ROS1: variants seen among roughly 807,000 people sequenced by gnomAD.
ROS1 encodes proto-oncogene tyrosine-protein kinase ROS.
ROS1 carries 263 observed loss-of-function variants against 273.5 expected under a neutral mutation model. The observed-to-expected ratio is 0.96, with a 90% confidence interval of 0.87 to 1.06. ROS1 has a LOEUF of 1.06. ROS1 is among the 50% of genes least tolerant of loss of function. The pLI, the probability that ROS1 is intolerant of heterozygous loss-of-function variation, is 0.00. For missense variants in ROS1, 2,833 were observed against 2,751.1 expected (o/e 1.03, Z -0.67); for synonymous variants, 1,008 against 954.1 (o/e 1.06, Z -1.04).
chr6:117,330,947 T>C (rs145892121), intron 32 of ROS1, among the ~76,000 whole-genome samples: 235 of 152,270 alleles, frequency 1.5e-3, no homozygotes, highest in Non-Finnish European at 2.9e-3. Context: ...CTCTAAATGA[T>C]CACAATGTCT....
Position 117,411,923 on chromosome 6 carries a change from G to A in ROS1, c.256-2281C>T, listed in dbSNP as rs545487024. Among the ~76,000 whole-genome samples the A allele has an allele frequency of 2.8e-4, 43 of 152,278 alleles. 1 individual carries two copies. The South Asian group carries it at 8.7e-3, about 31-fold the overall frequency. Reference sequence around the variant, plus strand: ...TTCTGATAATGAAAATTGCTAGGACGAAAATAAGTCAAAGGCACAGGTATA... The same window carrying A: ...TTCTGATAATGAAAATTGCTAGGACAAAAATAAGTCAAAGGCACAGGTATA... On this transcript the variant is annotated intron_variant, in intron 4 of 43. Transcript: ENST00000368507.
chr6:117,409,302 AAG>A (rs1485383779), intron 5 of ROS1, among the ~76,000 whole-genome samples: 1 of 152,188 alleles, frequency 6.6e-6, no homozygotes, highest in Non-Finnish European at 1.5e-5. Context: ...GTCTGTCATT[AAG>A]AGAGAAGTGA....
At chr6:117,291,763 C>A (rs1030246831) in intron 43 of ROS1, among the ~76,000 whole-genome samples, 3 of 152,112 alleles carry the variant, frequency 2.0e-5, no homozygotes, top group African/African-American at 7.2e-5. Context: ...TAATTAAAAG[C>A]CTTTCACAGA....
rs190693999 is a variant in ROS1 at position 117,307,340 on chromosome 6, A to C, written c.6551+1454T>G. On this transcript the variant is annotated intron_variant, in intron 42 of 43. Coordinates refer to ENST00000368507, the MANE Select transcript of ROS1 (RefSeq NM_001378902.1). ...CCTTGGGGAGAGAGTGGCATAAGCC[A>C]GATAACATTCTAACAGCACAAGGAA... is the stretch of plus-strand genomic sequence containing the variant. 3.8e-3 allele frequency among the ~76,000 whole-genome samples: 579 copies of C among 152,310 alleles called. 3 individuals are homozygous for C. Among genetic ancestry groups the C allele is most frequent in the Middle Eastern group, 6.8e-3 (2 of 294 alleles).
At chr6:117,399,768 C>T (rs1443747900) in intron 7 of ROS1, among the ~76,000 whole-genome samples, 1 of 152,156 alleles carries the variant, frequency 6.6e-6, no homozygotes, top group Non-Finnish European at 1.5e-5. Flanking sequence ...TCAGAGAATA[C>T]CCCAATATAT....
intron 26 of ROS1, among the ~76,000 whole-genome samples, chr6:117,355,383 C>T (rs897616778): frequency 2.0e-5 from 3 of 152,132 alleles, no homozygotes; most frequent in Non-Finnish European, 4.4e-5. Flanking sequence ...TCTAAAAGGC[C>T]TTGGTTGACA....
In ROS1 at chr6:117,319,904, T is replaced by C. The variant is rs1251584312; in HGVS notation, c.5886A>G (p.Leu1962=). 2 of 1,613,364 alleles carry C rather than the reference T, an allele frequency of 1.2e-6. No individual in the cohort carries two copies. The highest frequency in any genetic ancestry group is 8.5e-7 in the Non-Finnish European group (1 of 1,179,458). Residue 1962 remains leucine, a synonymous_variant, in exon 37 of 44, where the codon TTA becomes TTG. Coordinates refer to ENST00000368507, the MANE Select transcript of ROS1 (RefSeq NM_001378902.1). ...CTTTGATTTCTCCACTTCCAACTCC[T>C]AAGATGTCCACTGCTGTTCCTTCAT... ...EVYEGTAVDI[L]GVGSGEIKVA...
chr6:117,326,535 C>T (rs1776658347), intron 33 of ROS1, 121 bp from the exon 34 acceptor site: 3 of 584,240 alleles, frequency 5.1e-6, no homozygotes, highest in Non-Finnish European at 5.7e-6. Flanking sequence ...TTACCCTTGA[C>T]CTCATTCCTC....
intron 27 of ROS1, among the ~76,000 whole-genome samples, chr6:117,347,510 C>T (rs555001334): frequency 1.4e-4 from 22 of 152,132 alleles, no homozygotes; most frequent in African/African-American, 4.8e-4. Context: ...CATCTGTGAA[C>T]AAAGACAGCG....
chr6:117,371,030 C>G (rs1456670215), intron 18 of ROS1, among the ~76,000 whole-genome samples: 1 of 152,156 alleles, frequency 6.6e-6, no homozygotes, highest in East Asian at 1.9e-4. Flanking sequence ...AAGAAAGGCA[C>G]TTTAAATGTA....
chr6:117,316,475 A>G (rs1179497651), intron 39 of ROS1, among the ~76,000 whole-genome samples: 13 of 152,110 alleles, frequency 8.5e-5, no homozygotes, highest in Non-Finnish European at 5.9e-5. Flanking sequence ...CATCTAAGGT[A>G]TAAGGTAGAT....
intron 39 of ROS1, among the ~76,000 whole-genome samples, chr6:117,315,311 A>G (rs1347350662): frequency 6.6e-6 from 1 of 152,102 alleles, no homozygotes; most frequent in Non-Finnish European, 1.5e-5. Flanking sequence ...TCTAGAACAA[A>G]GAAATAGAGG....
intron 25 of ROS1, 25 bp downstream of exon 25, chr6:117,357,779 T>C: frequency 1.4e-6 from 2 of 1,446,280 alleles, no homozygotes; most frequent in Non-Finnish European, 1.9e-6. Context: ...CATCACAATA[T>C]AAAAAAATAC....
chr6:117,355,295 A>G (rs993884425), intron 26 of ROS1, among the ~76,000 whole-genome samples: 3 of 152,202 alleles, frequency 2.0e-5, no homozygotes, highest in African/African-American at 4.8e-5. Flanking sequence ...CATTACCTCT[A>G]TCATTAAATC....
chr6:117,311,398 C>T (rs575638193), intron 39 of ROS1, among the ~76,000 whole-genome samples: 45 of 152,112 alleles, frequency 3.0e-4, no homozygotes, highest in African/African-American at 9.6e-4. Context: ...TCAGACAGAT[C>T]GAGATGTGAA....
At chr6:117,357,143 G>A (rs998674040) in intron 25 of ROS1, among the ~76,000 whole-genome samples, 3 of 152,158 alleles carry the variant, frequency 2.0e-5, no homozygotes, top group African/African-American at 7.2e-5. Flanking sequence ...TACAACTAAA[G>A]TCTTGGAATA....
chr6:117,401,120 C>A (rs532998147), intron 7 of ROS1, among the ~76,000 whole-genome samples: 39 of 152,252 alleles, frequency 2.6e-4, no homozygotes, highest in Admixed American at 2.6e-3. Context: ...ATTCAGCCAC[C>A]CCAACAGCTC....
At chr6:117,288,893 A>G (rs1773626644) in intron 43 of ROS1, 91 bp from the exon 44 acceptor site, 1 of 1,006,220 alleles carries the variant, frequency 9.9e-7, no homozygotes, top group African/African-American at 1.6e-5. Flanking sequence ...AGCAACACCA[A>G]CTTTACACAT....
At chr6:117,362,974 TC>T (rs1443269481) in intron 21 of ROS1, 109 bp from the exon 22 acceptor site, 2 of 941,562 alleles carry the variant, frequency 2.1e-6, no homozygotes, top group African/African-American at 3.4e-5. Flanking sequence ...TATTTCTCAT[TC>T]CAGGCAGTTG....
Sources: allele counts gnomAD v4.1 joint callset (sites outside exome capture counted in the v4.1 genomes callset), GRCh38; gene constraint gnomAD v4.1.1; transcripts MANE v1.5; gene names NCBI Gene and HGNC (gene_info 2026-07-23, HGNC 2026-07-21).